The following CUL4A variants were observed in gnomAD, a reference collection of about 807,000 sequenced individuals.
CUL4A encodes cullin-4A.
In CUL4A, 16 loss-of-function variants were observed where a neutral mutation model predicts 95.5. The observed-to-expected ratio is 0.17, with a 90% confidence interval of 0.11 to 0.25. The LOEUF (loss-of-function observed/expected upper bound fraction) is 0.25. Among genes scored for constraint, CUL4A ranks in the 10% least tolerant of loss-of-function variants. The probability of loss-of-function intolerance (pLI) is 1.00; values close to 1 mark genes in which losing one functional copy is unlikely to be tolerated. For missense variants in CUL4A, 610 were observed against 937.0 expected, an observed-to-expected ratio of 0.65 and a Z score of 4.56; for synonymous variants, 380 against 353.1, an observed-to-expected ratio of 1.08 and a Z score of -0.85.
At position 113,260,601 on chromosome 13, in the gene CUL4A, A is replaced by G. The variant is rs781479230; in HGVS notation, c.2032-6A>G. ...ACACTTAACTTTTTTTTTCTTTTTTATACAGGTTGAGGAACAGGTTAGCAC... is the reference window on the plus strand; with the variant it reads ...ACACTTAACTTTTTTTTTCTTTTTTGTACAGGTTGAGGAACAGGTTAGCAC... On this transcript the variant is annotated splice_region_variant and splice_polypyrimidine_tract_variant and intron_variant, in intron 18 of 19. Transcript: ENST00000375440. 3 of 1,586,698 alleles carry G rather than the reference A, an allele frequency of 1.9e-6. No homozygotes were observed. The highest frequency in any genetic ancestry group is 2.6e-6 in the Non-Finnish European group (3 of 1,173,288).
intron 15 of CUL4A, among the ~76,000 whole-genome samples, chr13:113,247,941 G>A (rs1282613292): frequency 3.3e-5 from 5 of 152,126 alleles, no homozygotes; most frequent in East Asian, 1.9e-4. Flanking sequence ...GGACCCAGGC[G>A]GCCTTCGATG....
chr13:113,212,427 G>C (rs528761038), intron 2 of CUL4A, among the ~76,000 whole-genome samples: 2 of 152,184 alleles, frequency 1.3e-5, no homozygotes, highest in Non-Finnish European at 2.9e-5. Flanking sequence ...TAGAGTTTTA[G>C]GTTTTACATC....
chr13:113,233,520 A>G (rs1260692246), intron 6 of CUL4A, among the ~76,000 whole-genome samples, 181 bp downstream of exon 6: 1 of 151,846 alleles, frequency 6.6e-6, no homozygotes, highest in Non-Finnish European at 1.5e-5. Context: ...GGTGCCACAA[A>G]AGAGAAGATA....
chr13:113,240,827 A>G (rs1422728275), intron 10 of CUL4A, among the ~76,000 whole-genome samples: 1 of 152,152 alleles, frequency 6.6e-6, no homozygotes, highest in Non-Finnish European at 1.5e-5. Context: ...AAACTGGGCC[A>G]TGTGAAAAAG....
At chr13:113,219,767 G>A (rs759293805) in intron 3 of CUL4A, 2 of 152,242 alleles carry the variant, frequency 1.3e-5, no homozygotes, top group African/African-American at 4.8e-5. Context: ...TCACAGCCTC[G>A]TTCACAGTTG....
upstream of CUL4A, chr13:113,209,433 A>C (rs1030865222): frequency 2.5e-5 from 4 of 159,646 alleles, no homozygotes; most frequent in Admixed American, 1.4e-4. Flanking sequence ...CCGATCCCTC[A>C]GGAGGGATTC....
chr13:113,212,825 G>C (rs935827994), intron 2 of CUL4A, among the ~76,000 whole-genome samples: 2 of 152,146 alleles, frequency 1.3e-5, no homozygotes, highest in Admixed American at 1.3e-4. Context: ...TGTTTTCCCT[G>C]CAAATGTCCA....
intron 3 of CUL4A, among the ~76,000 whole-genome samples, chr13:113,221,566 T>G (rs1158871000): frequency 8.6e-5 from 13 of 152,030 alleles, no homozygotes; most frequent in African/African-American, 3.1e-4. Flanking sequence ...TTTGTTTTGT[T>G]TTTTTGTGTT....
At chr13:113,220,402 C>T (rs1421035510) in intron 3 of CUL4A, among the ~76,000 whole-genome samples, 1 of 152,264 alleles carries the variant, frequency 6.6e-6, no homozygotes, top group Non-Finnish European at 1.5e-5. Context: ...TGACCGCACA[C>T]CACCTTTTGG....
At chr13:113,263,360 A>G (rs1348839301) in intron 19 of CUL4A, 127 bp from the exon 20 acceptor site, 2 of 389,876 alleles carry the variant, frequency 5.1e-6, no homozygotes, top group African/African-American at 2.1e-5. Flanking sequence ...TGATTTTCAT[A>G]TAAATATCTA....
At chr13:113,239,095 A>G (rs1595395670) in intron 9 of CUL4A, among the ~76,000 whole-genome samples, 1 of 152,340 alleles carries the variant, frequency 6.6e-6, no homozygotes, top group African/African-American at 2.4e-5. Context: ...CCGATGGACT[A>G]AATCAGAAGT....
rs187619385 is a variant in CUL4A, at chr13:113,249,595, G to A, written c.1639-3487G>A. Reference sequence around the variant, plus strand: ...TACAAGTTTTAGTTTGAACACCTGCGGTCACTTATTTTGGGGTATATACCT... The same window carrying A: ...TACAAGTTTTAGTTTGAACACCTGCAGTCACTTATTTTGGGGTATATACCT... On this transcript the variant is annotated intron_variant, in intron 15 of 19. Coordinates refer to ENST00000375440, the MANE Select transcript of CUL4A (RefSeq NM_001008895.4). 3.0e-4 allele frequency among the ~76,000 whole-genome samples: 45 copies of A among 152,280 alleles called. 1 individual carries two copies. Among genetic ancestry groups the A allele is most frequent in the Admixed American group, 2.2e-3 (33 of 15,292 alleles).
chr13:113,208,403 G>A (rs1566997418), upstream of CUL4A: 1 of 1,473,656 alleles, frequency 6.8e-7, no homozygotes, highest in Non-Finnish European at 9.0e-7. Flanking sequence ...CGGCGGCCCT[G>A]CAGGGGAGAA....
intron 2 of CUL4A, among the ~76,000 whole-genome samples, chr13:113,212,105 G>A (rs1042481785): frequency 1.3e-5 from 2 of 152,224 alleles, no homozygotes; most frequent in East Asian, 1.9e-4. Flanking sequence ...ATGTATCTTC[G>A]TTGACGAAGT....
At chr13:113,262,355 G>A (rs554115722) in intron 19 of CUL4A, among the ~76,000 whole-genome samples, 1 of 152,102 alleles carries the variant, frequency 6.6e-6, no homozygotes, top group Non-Finnish European at 1.5e-5. Context: ...GTAAATACAC[G>A]AGAATAAAAC....
At chr13:113,215,058 G>A (rs536616676) in intron 2 of CUL4A, among the ~76,000 whole-genome samples, 1 of 150,018 alleles carries the variant, frequency 6.7e-6, no homozygotes, top group Admixed American at 6.6e-5. Context: ...CTATGTGACT[G>A]TGGAGGTTGC....
intron 18 of CUL4A, among the ~76,000 whole-genome samples, chr13:113,259,612 A>G (rs897474123): frequency 2.6e-5 from 4 of 152,210 alleles, no homozygotes; most frequent in African/African-American, 9.6e-5. Context: ...CATGTAATCT[A>G]ACCTTTCAAC....
Position 113,233,203 on chromosome 13 carries a change from C to G in CUL4A, c.539C>G (p.Thr180Ser), listed in dbSNP as rs147136485. The change falls in exon 6 of 20, where the codon ACC (threonine) becomes AGC (serine). Residue 180 changes from threonine to serine, a missense_variant. Physicochemically the swap from Thr to Ser is moderately conservative, Grantham distance 58 (BLOSUM62 1). Transcript: ENST00000375440. ...GATATGGGATTAGAACTGTTTAGAA[C>G]CCATATTATTAGTGATAAAATGGTT... ...IWDMGLELFR[T>S]HIISDKMVQS... 6.2e-7 allele frequency: 1 copy of G among 1,613,990 alleles called. No individual in the cohort carries two copies. Among genetic ancestry groups the G allele is most frequent in the Admixed American group, 1.7e-5 (1 of 60,026 alleles).
At chr13:113,244,802 T>C (rs2041815333) in intron 12 of CUL4A, 147 bp from the exon 13 acceptor site, 1 of 628,160 alleles carries the variant, frequency 1.6e-6, no homozygotes, top group East Asian at 2.8e-5. Flanking sequence ...ATCGCGCCAC[T>C]GCACTCCAGC....
Sources: allele counts gnomAD v4.1 joint callset (sites outside exome capture counted in the v4.1 genomes callset), GRCh38; gene constraint gnomAD v4.1.1; transcripts MANE v1.5; gene names NCBI Gene and HGNC (gene_info 2026-07-23, HGNC 2026-07-21).